TMEM116: variants seen among roughly 807,000 people sequenced by gnomAD.
The protein encoded by TMEM116 is transmembrane protein 116.
Under a neutral mutation model 44.3 loss-of-function variants are expected in TMEM116, and 38 were observed. The observed-to-expected ratio is 0.86, with a 90% confidence interval of 0.66 to 1.12. The LOEUF (loss-of-function observed/expected upper bound fraction) is 1.12. Among genes scored for constraint, TMEM116 ranks in the 50% most tolerant of loss-of-function variants. The probability of loss-of-function intolerance (pLI) is 0.00; values close to 1 mark genes in which losing one functional copy is unlikely to be tolerated. For synonymous variants in TMEM116, 132 were observed against 144.8 expected (o/e 0.91, Z 0.64); for missense variants, 354 against 401.7 (o/e 0.88, Z 1.01).
chr12:111,955,945 T>C (rs1184228732), intron 4 of TMEM116, among the ~76,000 whole-genome samples: 1 of 152,206 alleles, frequency 6.6e-6, no homozygotes, highest in Non-Finnish European at 1.5e-5. Context: ...CTCTATGATG[T>C]TCACACAATG....
chr12:111,931,495 A>G lies in TMEM116; in HGVS notation c.*126T>C, dbSNP rs1163897656. 3.5e-6 allele frequency: 3 copies of G among 845,480 alleles called. No individual in the cohort carries two copies. The East Asian group carries it at 7.9e-5, about 22-fold the overall frequency. 52.4% of individuals were successfully genotyped at this position (845,480 alleles called of 1,614,324 possible). Reference sequence around the variant, plus strand: ...TAGAATGACTACTAACAATGGCACTATATTTCCTTTGAGTTCTGCAGTTTA... The same window carrying G: ...TAGAATGACTACTAACAATGGCACTGTATTTCCTTTGAGTTCTGCAGTTTA... On this transcript the variant is annotated 3_prime_UTR_variant, in exon 11 of 11. Coordinates refer to ENST00000552374, the MANE Select transcript of TMEM116 (RefSeq NM_001193531.2).
intron 4 of TMEM116, among the ~76,000 whole-genome samples, chr12:111,974,064 T>A (rs1440729804): frequency 1.3e-5 from 2 of 150,282 alleles, no homozygotes; most frequent in African/African-American, 4.9e-5. Flanking sequence ...ACTAAAAAAA[T>A]AAAAACCAGT....
intron 4 of TMEM116, among the ~76,000 whole-genome samples, chr12:111,972,904 C>T (rs778922031): frequency 2.0e-5 from 3 of 150,650 alleles, no homozygotes; most frequent in Non-Finnish European, 4.4e-5. Flanking sequence ...AAAAAACACG[C>T]CAAGGCAGAT....
intron 5 of TMEM116, among the ~76,000 whole-genome samples, chr12:111,942,254 T>C (rs1344588858): frequency 1.3e-5 from 2 of 149,268 alleles, no homozygotes; most frequent in African/African-American, 4.9e-5. Context: ...TCATTTTGTT[T>C]GCTTGTTTTT....
intron 3 of TMEM116, among the ~76,000 whole-genome samples, chr12:111,996,123 T>A (rs2076921664): frequency 6.6e-6 from 1 of 151,890 alleles, no homozygotes; most frequent in Admixed American, 6.6e-5. Flanking sequence ...ACCTTTTTTT[T>A]ACATTCTATA....
chr12:111,987,725 GGCACTGT>G (rs2076307108), intron 4 of TMEM116, among the ~76,000 whole-genome samples: 2 of 152,182 alleles, frequency 1.3e-5, no homozygotes, highest in East Asian at 1.9e-4. Flanking sequence ...TGGAAACCAG[GGCACTGT>G]GCACTGTGCA....
chr12:111,943,024 T>A (rs945085319), intron 5 of TMEM116, among the ~76,000 whole-genome samples: 5 of 151,756 alleles, frequency 3.3e-5, no homozygotes, highest in African/African-American at 1.2e-4. Flanking sequence ...GTGGCTCAAG[T>A]GATCCTCCCA....
In TMEM116 at chr12:111,937,214, A is replaced by G; in HGVS notation, c.395T>C (p.Val132Ala). ...TTCACTAGTATTTCCCAGACAGAATACAGGTGTCATCAATAGCAGAGGTAT... is the reference window on the plus strand; with the variant it reads ...TTCACTAGTATTTCCCAGACAGAATGCAGGTGTCATCAATAGCAGAGGTAT... ...SLIPLLLMTPVFCLGNTSECF... is the reference protein window; with the variant it reads ...SLIPLLLMTPAFCLGNTSECF... The change falls in exon 7 of 11, where the codon GTA becomes GCA. Residue 132 changes from valine to alanine, a missense_variant. Transcript: ENST00000552374. 6.2e-7 allele frequency: 1 copy of G among 1,613,926 alleles called. No individual in the cohort carries two copies. Among genetic ancestry groups the G allele is most frequent in the African/African-American group, 1.3e-5 (1 of 75,036 alleles).
chr12:111,946,823 G>A (rs376768198), intron 4 of TMEM116, among the ~76,000 whole-genome samples: 90 of 152,180 alleles, frequency 5.9e-4, no homozygotes, highest in African/African-American at 2.1e-3. Context: ...TCCATTATTG[G>A]AATGCTAAGC....
intron 2 of TMEM116, 75 bp from the exon 3 acceptor site, chr12:112,003,938 T>C: frequency 7.1e-7 from 1 of 1,415,020 alleles, no homozygotes; most frequent in Non-Finnish European, 9.2e-7. Flanking sequence ...TAATTTTGGG[T>C]TTTTTTTACA....
At position 111,937,258 on chromosome 12, in the gene TMEM116, A is replaced by C; in HGVS notation, c.366-15T>G. The C allele has an allele frequency of 6.2e-7, 1 of 1,601,738 alleles. No homozygotes were observed. Among genetic ancestry groups the C allele is most frequent in the Non-Finnish European group, 8.6e-7 (1 of 1,168,938 alleles). On this transcript the variant is annotated splice_polypyrimidine_tract_variant and intron_variant, in intron 6 of 10. Transcript: ENST00000552374. ...GAGGTATCAGGCTGGGAGGGAAAAA[A>C]AGTATCACCCTAATATCCACTCTTT...
intron 4 of TMEM116, among the ~76,000 whole-genome samples, chr12:111,962,877 C>A (rs2074693004): frequency 6.6e-6 from 1 of 152,150 alleles, no homozygotes; most frequent in African/African-American, 2.4e-5. Flanking sequence ...AGTGAACAGG[C>A]AGCCTATAGA....
At chr12:111,989,027 A>AAAAAC (rs1221081098) in intron 4 of TMEM116, among the ~76,000 whole-genome samples, 1 of 152,142 alleles carries the variant, frequency 6.6e-6, no homozygotes, top group East Asian at 1.9e-4. Flanking sequence ...AAACAAAAAC[A>AAAAAC]AAAAACAAAC....
chr12:111,951,457 A>AC (rs2073723045), intron 4 of TMEM116, among the ~76,000 whole-genome samples: 1 of 152,254 alleles, frequency 6.6e-6, no homozygotes, highest in Non-Finnish European at 1.5e-5. Flanking sequence ...TAAATGTGGT[A>AC]CATATATATC....
chr12:111,932,673 A>C lies in TMEM116; in HGVS notation c.734-14T>G. 6.2e-7 allele frequency: 1 copy of C among 1,611,250 alleles called. No individual in the cohort carries two copies. Among genetic ancestry groups the C allele is most frequent in the Non-Finnish European group, 8.5e-7 (1 of 1,177,384 alleles). On this transcript the variant is annotated splice_polypyrimidine_tract_variant and intron_variant, in intron 9 of 10. Transcript: ENST00000552374. ...TTAGAATGACAGCTGTGAATACACAAAGTGTAAACCTTCTTGTCAGCCCTG... is the reference window on the plus strand; with the variant it reads ...TTAGAATGACAGCTGTGAATACACACAGTGTAAACCTTCTTGTCAGCCCTG...
intron 4 of TMEM116, chr12:111,978,791 T>TA (rs945477799): frequency 1.1e-5 from 5 of 437,416 alleles, no homozygotes; most frequent in Non-Finnish European, 2.3e-5. Context: ...TCCAGAACTG[T>TA]AAGAAATAAA....
intron 3 of TMEM116, among the ~76,000 whole-genome samples, chr12:111,999,842 C>T (rs1593644378): frequency 6.6e-6 from 1 of 152,240 alleles, no homozygotes; most frequent in Non-Finnish European, 1.5e-5. Context: ...CAGTGTGCCA[C>T]TTCACCAAGA....
intron 1 of TMEM116, chr12:112,010,330 C>T (rs1277920228): frequency 6.6e-6 from 1 of 152,204 alleles, no homozygotes; most frequent in African/African-American, 2.4e-5. Context: ...TTGGGGTGTC[C>T]ATTTTCTGGC....
chr12:111,960,554 G>C (rs1302301953), intron 4 of TMEM116, among the ~76,000 whole-genome samples: 3 of 141,456 alleles, frequency 2.1e-5, no homozygotes, highest in African/African-American at 7.9e-5. Context: ...CATGGAAACT[G>C]AACAACCTGC....
Sources: gnomAD v4.1 joint callset for allele counts (sites outside exome capture counted in the v4.1 genomes callset) on GRCh38, gnomAD v4.1.1 for gene constraint, MANE v1.5 for transcripts, NCBI Gene and HGNC (gene_info 2026-07-23, HGNC 2026-07-21) for gene names.